DHX16: variants seen among roughly 807,000 people sequenced by gnomAD.
DHX16 encodes pre-mRNA-splicing factor ATP-dependent RNA helicase DHX16.
DHX16 carries 81 observed loss-of-function variants against 131.2 expected under a neutral mutation model. That is an observed-to-expected ratio of 0.62 (90% CI 0.52 to 0.74). DHX16 has a LOEUF of 0.74. DHX16 is among the 30% of genes least tolerant of loss of function. The pLI is 0.00. For missense variants in DHX16, 980 were observed against 1,363.1 expected, an observed-to-expected ratio of 0.72 and a Z score of 4.43; for synonymous variants, 440 against 520.2, an observed-to-expected ratio of 0.85 and a Z score of 2.10.
chr6:30,659,089 G>A lies in DHX16; in HGVS notation c.2007+383C>T, dbSNP rs554147458. 8.5e-5 allele frequency among the ~76,000 whole-genome samples: 13 copies of A among 152,216 alleles called. No individual in the cohort carries two copies. The East Asian group carries it at 2.1e-3, about 25-fold the overall frequency. ...TTCAGTGGAGGCAGGGTTTCACCACGTTAGGCAGCCTGGTTTCGAACTACT... is the reference window on the plus strand; with the variant it reads ...TTCAGTGGAGGCAGGGTTTCACCACATTAGGCAGCCTGGTTTCGAACTACT... On this transcript the variant is annotated intron_variant, in intron 12 of 19. Coordinates refer to ENST00000376442, the MANE Select transcript of DHX16 (RefSeq NM_003587.5).
intron 4 of DHX16, among the ~76,000 whole-genome samples, chr6:30,669,744 T>TAA (rs953317689): frequency 0.042 from 4,815 of 113,642 alleles, 168 homozygotes; most frequent in African/African-American, 0.1. Flanking sequence ...AAAAAAGGTT[T>TAA]AAAAAAAAAA....
chr6:30,672,772 G>A lies in DHX16; in HGVS notation c.70C>T (p.Arg24Trp). The change falls in exon 1 of 20, where the codon CGG becomes TGG. Residue 24 changes from arginine (R) to tryptophan (W), a missense_variant. Transcript: ENST00000376442. ...ELHSVLGLSERHVAQFLIGTA... is the reference protein window; with the variant it reads ...ELHSVLGLSEWHVAQFLIGTA... ...CCGATCAGAAACTGGGCGACGTGCC[G>A]CTCGCTCAGCCCCAACACCGAGTGC... The A allele has an allele frequency of 6.2e-7, 1 of 1,612,984 alleles. No individual in the cohort carries two copies. Among genetic ancestry groups the A allele is most frequent in the South Asian group, 1.1e-5 (1 of 91,082 alleles).
At chr6:30,653,433 A>ATT in intron 19 of DHX16, 63 bp from the exon 20 acceptor site, 1 of 1,506,794 alleles carries the variant, frequency 6.6e-7, no homozygotes, top group Non-Finnish European at 8.9e-7. Context: ...TGTTGTTGTT[A>ATT]TTTTTTTTTC....
At position 30,656,763 on chromosome 6, in the gene DHX16, G is replaced by T. The variant is rs151309714; in HGVS notation, c.2149-4C>A. On this transcript the variant is annotated splice_polypyrimidine_tract_variant and splice_region_variant and intron_variant, in intron 13 of 19. Transcript: ENST00000376442. This position sits in a 1 kb window ranked among gnomAD's most constrained non-coding sequence, Gnocchi z 5.1. ...CAGCTCGCTGATTGGCTGAGGCCTGGAAAGAAAGGGGAACAGGCTGGCTGA... is the reference window on the plus strand; with the variant it reads ...CAGCTCGCTGATTGGCTGAGGCCTGTAAAGAAAGGGGAACAGGCTGGCTGA... 558 of 1,611,814 alleles carry T rather than the reference G, an allele frequency of 3.5e-4. 2 individuals carry two copies. In the African/African-American group the frequency reaches 6.0e-3, roughly 17 times the overall value.
intron 4 of DHX16, among the ~76,000 whole-genome samples, chr6:30,669,495 C>G (rs1418236041): frequency 6.6e-6 from 1 of 151,774 alleles, no homozygotes; most frequent in Non-Finnish European, 1.5e-5. Context: ...TGGTGGCTCA[C>G]GCCTGTAATT....
chr6:30,672,324 C>CAAA (rs575043757), intron 1 of DHX16, among the ~76,000 whole-genome samples: 4 of 113,832 alleles, frequency 3.5e-5, no homozygotes, highest in African/African-American at 1.3e-4. Context: ...CTGTGTCTCT[C>CAAA]AAAAAAAAAA....
intron 7 of DHX16, 128 bp downstream of exon 7, chr6:30,664,673 A>G (rs1252708127): frequency 2.3e-6 from 2 of 852,392 alleles, no homozygotes; most frequent in East Asian, 2.6e-5. Context: ...TTTACTCTCA[A>G]GAATTTCACA....
chr6:30,661,350 T>TGGG (rs1474738232), intron 9 of DHX16, among the ~76,000 whole-genome samples: 4 of 152,170 alleles, frequency 2.6e-5, no homozygotes, highest in Non-Finnish European at 5.9e-5. Context: ...CCCAAAGTGC[T>TGGG]GGGATTACAG....
Position 30,654,772 on chromosome 6 carries a change from A to C in DHX16, c.2931T>G (p.Phe977Leu). ...TVFIHPNSSL[F>L]EQQPRWLLYH... Reference sequence around the variant, plus strand: ...AGAGCAGCCAGCGTGGCTGTTGCTCAAAGAGGGAGGAGTTGGGATGAATGA... The same window carrying C: ...AGAGCAGCCAGCGTGGCTGTTGCTCCAAGAGGGAGGAGTTGGGATGAATGA... Residue 977 changes from phenylalanine to leucine, a missense_variant, in exon 19 of 20, where the codon TTT becomes TTG. Phe to Leu is a conservative substitution (Grantham distance 22). This residue lies in a region of DHX16 where 214 missense variants were observed against 271.2 expected (regional missense o/e 0.79). Transcript: ENST00000376442. 6.2e-7 allele frequency: 1 copy of C among 1,612,986 alleles called. No individual in the cohort carries two copies.
chr6:30,655,743 G>A, intron 16 of DHX16, 146 bp from the exon 17 acceptor site: 1 of 863,040 alleles, frequency 1.2e-6, no homozygotes, highest in Non-Finnish European at 1.8e-6. Context: ...CCAGCAGATA[G>A]ATTCTGGCAG....
intron 9 of DHX16, among the ~76,000 whole-genome samples, chr6:30,660,759 G>A (rs1474053372): frequency 2.6e-5 from 4 of 151,976 alleles, no homozygotes; most frequent in East Asian, 1.9e-4. Context: ...GTAGACGCCT[G>A]TAGTCCCAGC....
chr6:30,658,092 G>C (rs780822877), intron 12 of DHX16, among the ~76,000 whole-genome samples: 1 of 152,174 alleles, frequency 6.6e-6, no homozygotes, highest in Admixed American at 6.5e-5. Context: ...AAAATCCTTT[G>C]ACTGCTACTC....
chr6:30,661,229 C>T (rs929830819), intron 9 of DHX16, among the ~76,000 whole-genome samples: 3 of 152,118 alleles, frequency 2.0e-5, no homozygotes, highest in Non-Finnish European at 4.4e-5. Flanking sequence ...ACTACAGGTG[C>T]CCGCCACCAC....
chr6:30,657,123 A>ACC (rs767333628), intron 12 of DHX16, 31 bp from the exon 13 acceptor site: 2 of 1,565,658 alleles, frequency 1.3e-6, no homozygotes, highest in South Asian at 2.4e-5. Context: ...TCACCCAGTG[A>ACC]CCCCACCTAC....
Position 30,664,995 on chromosome 6 carries a change from A to C in DHX16, c.1126-3T>G, listed in dbSNP as rs367757181. ...GAAGTGGGTGGAGCTGACGGCTCCTAAGGAAAGAGAAGGAGGTGTGAGCTA... is the reference window on the plus strand; with the variant it reads ...GAAGTGGGTGGAGCTGACGGCTCCTCAGGAAAGAGAAGGAGGTGTGAGCTA... On this transcript the variant is annotated splice_polypyrimidine_tract_variant and splice_region_variant and intron_variant, in intron 6 of 19. Transcript: ENST00000376442. The C allele has an allele frequency of 1.1e-5, 17 of 1,613,724 alleles. No homozygotes were observed. The African/African-American group carries it at 2.1e-4, about 20-fold the overall frequency.
At position 30,670,562 on chromosome 6, in the gene DHX16, C is replaced by T; in HGVS notation, c.610-96G>A. On this transcript the variant is annotated intron_variant, in intron 3 of 19. Transcript: ENST00000376442. This position sits in a 1 kb window ranked among gnomAD's most constrained non-coding sequence, Gnocchi z 4.4. ...GAATCACAAGGATCATTCAGATGCG[C>T]CCTAACACAAAAAATGTCCCCTCTC... is the stretch of plus-strand genomic sequence containing the variant. The T allele has an allele frequency of 7.3e-7, 1 of 1,377,798 alleles. No homozygotes were observed. 85.3% of individuals were successfully genotyped at this position (1,377,798 alleles called of 1,614,324 possible). A position where few individuals can be genotyped will look rare whatever the true frequency, so the allele number is the denominator to read the frequency against.
At position 30,671,070 on chromosome 6, in the gene DHX16, C is replaced by T. The variant is rs1411612527; in HGVS notation, c.412G>A (p.Glu138Lys). 1.2e-6 allele frequency: 2 copies of T among 1,612,656 alleles called. No individual in the cohort carries two copies. The highest frequency in any genetic ancestry group is 1.7e-6 in the Non-Finnish European group (2 of 1,179,768). The change falls in exon 2 of 20, where the codon GAA becomes AAA. Residue 138 changes from glutamate (E) to lysine (K), a missense_variant. Glu to Lys is a moderately conservative substitution (Grantham distance 56). Transcript: ENST00000376442. ...LRKKREEEEE[E>K]EASEKGKKKT... ...TTCTTCCCTTTCTCAGAAGCCTCTTCCTCCTCTTCTTCCTCACGCTTCTTC... is the reference window on the plus strand; with the variant it reads ...TTCTTCCCTTTCTCAGAAGCCTCTTTCTCCTCTTCTTCCTCACGCTTCTTC...
intron 1 of DHX16, among the ~76,000 whole-genome samples, chr6:30,671,693 C>T (rs1457625581): frequency 6.6e-6 from 1 of 151,914 alleles, no homozygotes; most frequent in African/African-American, 2.4e-5. Flanking sequence ...TCTCTTTCTT[C>T]CTCATGGCTT....
chr6:30,662,037 A>T lies in DHX16; in HGVS notation c.1544+590T>A. 1 of 597,814 alleles carries T rather than the reference A, an allele frequency of 1.7e-6. No individual in the cohort carries two copies. The highest frequency in any genetic ancestry group is 3.0e-6 in the Non-Finnish European group (1 of 330,120). 37.0% of individuals were successfully genotyped at this position (597,814 alleles called of 1,614,324 possible). A position where few individuals can be genotyped will look rare whatever the true frequency, so the allele number is the denominator to read the frequency against. The stretch of plus-strand genomic sequence containing the variant: ...ATGAATCCCTTTTCCCCCTCAACAC[A>T]TGTTCAACCAACCCCTGCTTGGCCA... On this transcript the variant is annotated intron_variant, in intron 9 of 19. Transcript: ENST00000376442. The surrounding 1 kb of genome is among the most constrained non-coding windows in gnomAD (Gnocchi z 4.7).
Sources: allele counts gnomAD v4.1 joint callset (sites outside exome capture counted in the v4.1 genomes callset), GRCh38; gene constraint gnomAD v4.1.1; regional missense constraint gnomAD v4.1.1; non-coding constraint Gnocchi (gnomAD v3.1); transcripts MANE v1.5; gene names NCBI Gene and HGNC (gene_info 2026-07-23, HGNC 2026-07-21).